HIVEP1: variants seen among roughly 807,000 people sequenced by gnomAD.
HIVEP1 encodes the protein zinc finger protein 40.
Under a neutral mutation model 180.0 loss-of-function variants are expected in HIVEP1, and 36 were observed. The observed-to-expected ratio is 0.20, with a 90% CI of 0.15 to 0.26. The LOEUF (loss-of-function observed/expected upper bound fraction) is 0.26, where lower values mean the gene tolerates loss of function less well. Among genes scored for constraint, HIVEP1 ranks in the 10% least tolerant of loss-of-function variants. HIVEP1 has a pLI of 1.00. For synonymous variants in HIVEP1, 1,239 were observed against 1,239.0 expected (o/e 1.00, Z 0.00); for missense variants, 3,143 against 3,268.7 (o/e 0.96, Z 0.94).
At chr6:12,080,242 G>C (rs1292032122) in intron 2 of HIVEP1, among the ~76,000 whole-genome samples, 1 of 152,140 alleles carries the variant, frequency 6.6e-6, no homozygotes, top group Admixed American at 6.6e-5. Context: ...CTGAAATAGT[G>C]TGAGGTTTTC....
chr6:12,188,423 A>G, the HIVEP1 span, among the ~76,000 whole-genome samples: 2 of 152,202 alleles, frequency 1.3e-5, no homozygotes, highest in South Asian at 4.1e-4. Context: ...ACCACCATGT[A>G]TAAGACAGCC....
Position 12,161,478 on chromosome 6 carries a change from A to T in HIVEP1, c.6527A>T (p.Asp2176Val). ...QRFSYERSGYDLEESDGPDED... is the reference protein window; with the variant it reads ...QRFSYERSGYVLEESDGPDED... The stretch of plus-strand genomic sequence containing the variant: ...TTCAGTTATGAGCGATCTGGATATG[A>T]TCTTGAAGAATCTGATGGCCCAGAT... Residue 2176 changes from aspartate to valine, a missense_variant, in exon 8 of 9, where the codon GAT becomes GTT. Asp to Val is a radical substitution (Grantham distance 152, BLOSUM62 -3). This residue lies in a region of HIVEP1 where 126 missense variants were observed against 168.5 expected (regional missense o/e 0.75). Coordinates refer to ENST00000379388, the MANE Select transcript of HIVEP1 (RefSeq NM_002114.4). 6.2e-7 allele frequency: 1 copy of T among 1,613,872 alleles called. No individual in the cohort carries two copies.
Position 12,123,982 on chromosome 6 carries a change from C to T in HIVEP1, c.4187C>T (p.Pro1396Leu), listed in dbSNP as rs35229744. Residue 1396 changes from proline (P) to leucine (L), a missense_variant, in exon 4 of 9, where the codon CCC (proline) becomes CTC (leucine). By Grantham distance (98) the Pro-to-Leu change is moderately conservative (BLOSUM62 -3). This residue lies in a region of HIVEP1 where 1,357 missense variants were observed against 1,260.5 expected (regional missense o/e 1.08). Transcript: ENST00000379388. Reference protein sequence around the residue: ...KSFDCGSITPPQTTPLTELQP... With the variant: ...KSFDCGSITPLQTTPLTELQP... ...TTCGATTGTGGAAGCATCACCCCAC[C>T]CCAGACAACACCACTTACTGAATTG... is the stretch of plus-strand genomic sequence containing the variant. 3,314 of 1,614,072 alleles carry T rather than the reference C, an allele frequency of 2.1e-3. 54 individuals carry two copies. In the African/African-American group the frequency reaches 0.035, roughly 17 times the overall value.
At chr6:12,016,699 G>T (rs986897792) in intron 2 of HIVEP1, among the ~76,000 whole-genome samples, 3 of 152,190 alleles carry the variant, frequency 2.0e-5, no homozygotes, top group Admixed American at 6.5e-5. Context: ...GTAGTAACCA[G>T]TGTTCAATGA....
At position 12,122,799 on chromosome 6, in the gene HIVEP1, G is replaced by A; in HGVS notation, c.3004G>A (p.Val1002Met). ...VAMREPEHSP[V>M]PGGLQPQILH... ...CATGAGAGAACCTGAGCACAGCCCT[G>A]TGCCCGGCGGTCTGCAGCCTCAGAT... Residue 1002 changes from valine to methionine, a missense_variant, in exon 4 of 9, where the codon GTG becomes ATG. Val to Met is a conservative substitution (Grantham distance 21, BLOSUM62 1). Around this residue, in one of 12 missense-constraint regions of HIVEP1, gnomAD observed 1,357 missense variants for 1,260.5 expected, o/e 1.08. Coordinates refer to ENST00000379388, the MANE Select transcript of HIVEP1 (RefSeq NM_002114.4). 1 of 1,613,630 alleles carries A rather than the reference G, an allele frequency of 6.2e-7. No individual in the cohort carries two copies. Among genetic ancestry groups the A allele is most frequent in the Non-Finnish European group, 8.5e-7 (1 of 1,179,892 alleles).
chr6:12,104,857 G>C (rs1242620213), intron 3 of HIVEP1, among the ~76,000 whole-genome samples: 1 of 151,792 alleles, frequency 6.6e-6, no homozygotes, highest in East Asian at 1.9e-4. Flanking sequence ...TATACTTCCA[G>C]TTTTCTGAAA....
intron 3 of HIVEP1, among the ~76,000 whole-genome samples, chr6:12,115,174 C>G (rs929240580): frequency 1.3e-5 from 2 of 152,094 alleles, no homozygotes; most frequent in Admixed American, 6.6e-5. Context: ...TGCTTTTAAT[C>G]TGTTACTCTC....
chr6:12,015,577 T>C lies in HIVEP1; in HGVS notation c.-52T>C, dbSNP rs1767686759. 1.3e-6 allele frequency: 2 copies of C among 1,515,882 alleles called. No individual in the cohort carries two copies. The highest frequency in any genetic ancestry group is 1.7e-4 in the Middle Eastern group (1 of 5,852). The allele number at this position is 1,515,882 out of a possible 1,614,324, so 93.9% of individuals were successfully genotyped here. ...GTTTATGGAGCTGCCTTTTGGTGGC[T>C]TGCTTTATCTGCAGTTTTTAAGAAG... On this transcript the variant is annotated 5_prime_UTR_variant, in exon 2 of 9. Transcript: ENST00000379388.
chr6:12,164,988 T>G lies in HIVEP1; in HGVS notation c.*527T>G. Reference sequence around the variant, plus strand: ...ATGAAATGTTTCAGTAAAATATTGTTTACTGACTTTACCATTGCTTCAGTT... The same window carrying G: ...ATGAAATGTTTCAGTAAAATATTGTGTACTGACTTTACCATTGCTTCAGTT... On this transcript the variant is annotated 3_prime_UTR_variant, in exon 9 of 9. Coordinates refer to ENST00000379388, the MANE Select transcript of HIVEP1 (RefSeq NM_002114.4). 1 of 359,224 alleles carries G rather than the reference T, an allele frequency of 2.8e-6. No individual in the cohort carries two copies. The highest frequency in any genetic ancestry group is 2.4e-5 in the South Asian group (1 of 42,464). The allele number at this position is 359,224 out of a possible 1,614,324, so 22.3% of individuals were successfully genotyped here. A position where few individuals can be genotyped will look rare whatever the true frequency, so the allele number is the denominator to read the frequency against.
intron 2 of HIVEP1, among the ~76,000 whole-genome samples, chr6:12,074,702 A>G (rs1561914492): frequency 6.8e-6 from 1 of 146,740 alleles, no homozygotes; most frequent in East Asian, 2.0e-4. Context: ...TGGTCATGAG[A>G]TTTTTTTTTT....
chr6:12,136,240 C>T (rs752524153), intron 7 of HIVEP1, among the ~76,000 whole-genome samples: 7 of 152,100 alleles, frequency 4.6e-5, no homozygotes, highest in Non-Finnish European at 1.0e-4. Context: ...CTACCCTTCT[C>T]ATTTCTCTCT....
intron 3 of HIVEP1, among the ~76,000 whole-genome samples, chr6:12,103,682 G>T (rs1774241495): frequency 6.6e-6 from 1 of 152,076 alleles, no homozygotes; most frequent in Non-Finnish European, 1.5e-5. Context: ...GGAAGGAGAA[G>T]AGTATTGTGT....
chr6:12,109,589 C>G (rs1204276211), intron 3 of HIVEP1, among the ~76,000 whole-genome samples: 1 of 152,212 alleles, frequency 6.6e-6, no homozygotes, highest in Non-Finnish European at 1.5e-5. Context: ...CAAGCCTTAT[C>G]GTGAGATTGC....
At chr6:12,211,357 G>A in the HIVEP1 span, among the ~76,000 whole-genome samples, 1 of 104,726 alleles carries the variant, frequency 9.5e-6, no homozygotes, top group Non-Finnish European at 1.9e-5. Context: ...CCGAGATCGC[G>A]CCACTGCACT....
upstream of HIVEP1, chr6:12,008,524 C>T (rs1023075719): frequency 1.3e-5 from 2 of 152,246 alleles, no homozygotes; most frequent in African/African-American, 4.8e-5. Flanking sequence ...ACAGGAAGCC[C>T]GTGCAAATGT....
chr6:12,054,339 G>T (rs570458564), intron 2 of HIVEP1, among the ~76,000 whole-genome samples: 1 of 152,284 alleles, frequency 6.6e-6, no homozygotes, highest in South Asian at 2.1e-4. Context: ...TCCACATACA[G>T]AAGTTATAGT....
At chr6:12,104,768 A>G (rs1400795029) in intron 3 of HIVEP1, among the ~76,000 whole-genome samples, 1 of 152,026 alleles carries the variant, frequency 6.6e-6, no homozygotes, top group Non-Finnish European at 1.5e-5. Flanking sequence ...ATCTAAATTT[A>G]AATCTATCTT....
At chr6:12,033,018 T>C (rs9296237) in intron 2 of HIVEP1, among the ~76,000 whole-genome samples, 10,049 of 152,304 alleles carry the variant, frequency 0.066, 395 homozygotes, top group Middle Eastern at 0.2. Flanking sequence ...TGAACTCATA[T>C]GTAGACGGTC....
intron 7 of HIVEP1, among the ~76,000 whole-genome samples, chr6:12,151,223 G>A (rs1289534427): frequency 6.6e-6 from 1 of 152,194 alleles, no homozygotes; most frequent in Admixed American, 6.5e-5. Context: ...ATCTTGTGCT[G>A]ATATAAAATT....
Sources: gnomAD v4.1 joint callset for allele counts (sites outside exome capture counted in the v4.1 genomes callset) on GRCh38, gnomAD v4.1.1 for gene constraint, gnomAD v4.1.1 regional missense constraint, MANE v1.5 for transcripts, NCBI Gene and HGNC (gene_info 2026-07-23, HGNC 2026-07-21) for gene names.